Variants in TAFA1 observed in about 807,000 individuals in gnomAD.
The protein encoded by TAFA1 is chemokine-like protein TAFA-1.
Under a neutral mutation model 18.5 loss-of-function variants are expected in TAFA1, and 4 were observed. That is an observed-to-expected ratio of 0.22 (90% CI 0.11 to 0.49). TAFA1 has a LOEUF of 0.49. Ranked by LOEUF, TAFA1 falls within the 20% of genes least tolerant of loss-of-function variation. The pLI, the probability that TAFA1 is intolerant of heterozygous loss-of-function variation, is 0.98. For missense variants in TAFA1, 147 were observed against 169.0 expected (o/e 0.87, Z 0.72); for synonymous variants, 56 against 55.2 (o/e 1.01, Z -0.06).
chr3:68,156,129 A>G (rs1375741564), intron 2 of TAFA1, among the ~76,000 whole-genome samples: 8 of 152,188 alleles, frequency 5.3e-5, no homozygotes, highest in African/African-American at 1.9e-4. Context: ...CTAGCCCGGA[A>G]CATGGTAAAA....
chr3:68,432,369 G>A (rs1033968822), intron 3 of TAFA1, among the ~76,000 whole-genome samples: 25 of 151,916 alleles, frequency 1.6e-4, no homozygotes, highest in Non-Finnish European at 2.5e-4. Flanking sequence ...CCACAAATGC[G>A]TAATCCAATC....
intron 2 of TAFA1, among the ~76,000 whole-genome samples, chr3:68,025,782 C>T (rs542093245): frequency 1.0e-3 from 152 of 152,340 alleles, no homozygotes; most frequent in African/African-American, 3.6e-3. Flanking sequence ...ATCACCTCCT[C>T]TGTGAGGTCT....
chr3:68,264,456 T>G (rs116586640), intron 2 of TAFA1, among the ~76,000 whole-genome samples: 4,828 of 152,216 alleles, frequency 0.032, 106 homozygotes, highest in East Asian at 0.096. Flanking sequence ...TCTCTTATAG[T>G]CACTCCAGCC....
chr3:68,353,559 C>G (rs1317346016), intron 2 of TAFA1, among the ~76,000 whole-genome samples: 1 of 151,922 alleles, frequency 6.6e-6, no homozygotes, highest in Non-Finnish European at 1.5e-5. Flanking sequence ...GTATTCATAG[C>G]CACTATTTGC....
In TAFA1 at chr3:68,023,704, G is replaced by A. The variant is rs560102711; in HGVS notation, c.118+16960G>A. ...TGTATCAGTTTACTCAGTCTATAAA[G>A]AAGGCAAAAGTGTAGATTTGAGAAG... On this transcript the variant is annotated intron_variant, in intron 2 of 4. Coordinates refer to ENST00000478136, the MANE Select transcript of TAFA1 (RefSeq NM_213609.4). Among the ~76,000 whole-genome samples the A allele has an allele frequency of 7.9e-5, 12 of 152,224 alleles. No individual in the cohort carries two copies. In the South Asian group the frequency reaches 2.3e-3, roughly 29 times the overall value.
At chr3:68,418,422 AGGG>A (rs1166142657) in intron 3 of TAFA1, among the ~76,000 whole-genome samples, 1 of 53,020 alleles carries the variant, frequency 1.9e-5, no homozygotes, top group African/African-American at 6.5e-5. Context: ...TCGTCACTTA[AGGG>A]AAGGACCGGC....
intron 3 of TAFA1, among the ~76,000 whole-genome samples, chr3:68,532,431 G>A (rs180767645): frequency 3.3e-5 from 5 of 151,722 alleles, no homozygotes; most frequent in Admixed American, 6.6e-5. Context: ...TCTTTTTTTC[G>A]GAGGGGGGAT....
chr3:68,537,674 C>T (rs914450099), intron 3 of TAFA1, among the ~76,000 whole-genome samples: 1 of 152,172 alleles, frequency 6.6e-6, no homozygotes, highest in Non-Finnish European at 1.5e-5. Context: ...GAAAACTTTG[C>T]TGGACTACTT....
chr3:68,378,521 T>C (rs894334659), intron 2 of TAFA1, among the ~76,000 whole-genome samples: 6 of 152,296 alleles, frequency 3.9e-5, no homozygotes, highest in South Asian at 4.1e-4. Context: ...ACTTGCCTTC[T>C]CTCGGATGAG....
At chr3:68,298,196 G>T (rs897019402) in intron 2 of TAFA1, among the ~76,000 whole-genome samples, 2 of 152,180 alleles carry the variant, frequency 1.3e-5, no homozygotes, top group African/African-American at 4.8e-5. Flanking sequence ...CCCCATCTTG[G>T]TAGCAGCCAG....
intron 2 of TAFA1, among the ~76,000 whole-genome samples, chr3:68,174,325 C>T (rs1239932128): frequency 6.6e-6 from 1 of 152,128 alleles, no homozygotes; most frequent in East Asian, 1.9e-4. Context: ...AGGAGGGACC[C>T]AGTGGGAGGT....
Position 68,251,320 on chromosome 3 carries a change from T to TA in TAFA1, c.119-165952dup, listed in dbSNP as rs372757181. 6.6e-4 allele frequency among the ~76,000 whole-genome samples: 101 copies of TA among 152,134 alleles called. 1 individual carries two copies. Among genetic ancestry groups the TA allele is most frequent in the African/African-American group, 2.1e-3 (87 of 41,506 alleles). Reference sequence around the variant, plus strand: ...GCATTTCCTATCCTTTTTAGCTACTTAAAAAAAAGTTTGCTATGGCTATAT... The same window carrying TA: ...GCATTTCCTATCCTTTTTAGCTACTTAAAAAAAAAGTTTGCTATGGCTATAT... On this transcript the variant is annotated intron_variant, in intron 2 of 4. Coordinates refer to ENST00000478136, the MANE Select transcript of TAFA1 (RefSeq NM_213609.4).
At chr3:68,359,245 G>C (rs915765984) in intron 2 of TAFA1, among the ~76,000 whole-genome samples, 2 of 151,916 alleles carry the variant, frequency 1.3e-5, no homozygotes, top group Non-Finnish European at 2.9e-5. Flanking sequence ...AAAAATTGCA[G>C]AACAGACTTC....
intron 3 of TAFA1, among the ~76,000 whole-genome samples, chr3:68,527,069 CATTT>C (rs1184683129): frequency 6.6e-6 from 1 of 151,984 alleles, no homozygotes; most frequent in African/African-American, 2.4e-5. Context: ...CCTTGCTAAC[CATTT>C]ATTAAAAATT....
intron 2 of TAFA1, among the ~76,000 whole-genome samples, chr3:68,338,153 T>A (rs1434692311): frequency 6.6e-6 from 1 of 152,242 alleles, no homozygotes; most frequent in African/African-American, 2.4e-5. Context: ...TTAACAACAC[T>A]TGGATGAGGC....
chr3:68,099,393 T>C (rs1047792158), intron 2 of TAFA1, among the ~76,000 whole-genome samples: 2 of 152,044 alleles, frequency 1.3e-5, no homozygotes, highest in African/African-American at 4.8e-5. Context: ...TCAACAAATA[T>C]ATGAAAAAAA....
At chr3:68,311,915 T>A (rs1045688974) in intron 2 of TAFA1, among the ~76,000 whole-genome samples, 4 of 152,226 alleles carry the variant, frequency 2.6e-5, no homozygotes, top group African/African-American at 9.6e-5. Context: ...ATGAGGGGCA[T>A]GCCCCTGCAG....
At chr3:68,063,840 A>G (rs7431219) in intron 2 of TAFA1, among the ~76,000 whole-genome samples, 1,967 of 152,300 alleles carry the variant, frequency 0.013, 13 homozygotes, top group Middle Eastern at 0.027. Flanking sequence ...CTGGACCACT[A>G]AAGGAGTCCA....
intron 2 of TAFA1, among the ~76,000 whole-genome samples, chr3:68,028,698 C>A (rs1034271657): frequency 2.6e-5 from 4 of 151,944 alleles, no homozygotes; most frequent in Non-Finnish European, 5.9e-5. Context: ...GTCATGTTAC[C>A]TGTTCATCTT....
Sources: gnomAD v4.1 joint callset for allele counts (sites outside exome capture counted in the v4.1 genomes callset) on GRCh38, gnomAD v4.1.1 for gene constraint, MANE v1.5 for transcripts, NCBI Gene and HGNC (gene_info 2026-07-23, HGNC 2026-07-21) for gene names.